Variants in FARP1 observed in about 807,000 individuals in gnomAD.
FARP1 encodes FERM, ARHGEF and pleckstrin domain-containing protein 1.
Under a neutral mutation model 128.8 loss-of-function variants are expected in FARP1, and 52 were observed. The observed-to-expected ratio is 0.40, with a 90% CI of 0.32 to 0.51. FARP1 has a LOEUF of 0.51. Ranked by LOEUF, FARP1 falls within the 20% of genes least tolerant of loss-of-function variation. The pLI is 0.45. For missense variants in FARP1, 1,333 were observed against 1,367.9 expected (o/e 0.97, Z 0.40); for synonymous variants, 580 against 551.8 (o/e 1.05, Z -0.72).
intron 2 of FARP1, among the ~76,000 whole-genome samples, chr13:98,294,634 A>G (rs997320459): frequency 6.6e-6 from 1 of 152,190 alleles, no homozygotes; most frequent in Admixed American, 6.5e-5. Context: ...ATTAATTTGG[A>G]GAGAGCACTT....
chr13:98,362,305 AC>A (rs1888904927), intron 3 of FARP1, among the ~76,000 whole-genome samples: 1 of 152,072 alleles, frequency 6.6e-6, no homozygotes, highest in Admixed American at 6.5e-5. Context: ...CCAGCCAGCT[AC>A]CCCCCATTCT....
intron 1 of FARP1, among the ~76,000 whole-genome samples, chr13:98,150,870 C>T (rs1183590661): frequency 6.6e-6 from 1 of 151,968 alleles, no homozygotes; most frequent in Non-Finnish European, 1.5e-5. Flanking sequence ...TGTGTTTGTT[C>T]TTTGGCACAC....
intron 2 of FARP1, among the ~76,000 whole-genome samples, chr13:98,254,797 T>A (rs1883505773): frequency 6.6e-6 from 1 of 152,166 alleles, no homozygotes; most frequent in Non-Finnish European, 1.5e-5. Flanking sequence ...TGAAAACATA[T>A]GTTAGTATAA....
chr13:98,453,251 CTCA>C lies in FARP1; in HGVS notation c.*4937_*4939del. The C allele has an allele frequency of 6.3e-7, 1 of 1,592,922 alleles. No homozygotes were observed. The highest frequency in any genetic ancestry group is 8.5e-7 in the Non-Finnish European group (1 of 1,171,508). Reference sequence around the variant, plus strand: ...AGAGAGAAGTCAACACATGTCATTTCTCATCCCTGTGCAAAAATTCATATAGTA... The same window carrying C: ...AGAGAGAAGTCAACACATGTCATTTCTCCCTGTGCAAAAATTCATATAGTA... On this transcript the variant is annotated 3_prime_UTR_variant, in exon 27 of 27. Transcript: ENST00000319562.
At chr13:98,156,840 T>A (rs1169089835) in intron 1 of FARP1, among the ~76,000 whole-genome samples, 1 of 152,234 alleles carries the variant, frequency 6.6e-6, no homozygotes, top group Admixed American at 6.5e-5. Context: ...ATTACAGGCA[T>A]GAGCCACTGC....
At chr13:98,416,445 A>T (rs182596661) in intron 16 of FARP1, among the ~76,000 whole-genome samples, 16 of 152,324 alleles carry the variant, frequency 1.1e-4, no homozygotes, top group Non-Finnish European at 1.5e-4. Context: ...AGCTCAGTTC[A>T]GCAAACACAC....
At chr13:98,432,710 C>T (rs755111524) in intron 18 of FARP1, 7 of 152,212 alleles carry the variant, frequency 4.6e-5, no homozygotes, top group Non-Finnish European at 7.3e-5. Context: ...AGGCTAAAAT[C>T]GGAAGTCTTC....
intron 1 of FARP1, among the ~76,000 whole-genome samples, chr13:98,182,303 G>A (rs1878592884): frequency 6.6e-6 from 1 of 151,970 alleles, no homozygotes; most frequent in Admixed American, 6.6e-5. Context: ...TGACTCATTG[G>A]TTGGTTCATT....
upstream of FARP1, chr13:98,143,040 C>A (rs1251808409): frequency 6.8e-6 from 1 of 148,006 alleles, no homozygotes; most frequent in Admixed American, 6.7e-5. Context: ...TGCGCGGCGC[C>A]CGCCTCCCCC....
chr13:98,290,888 G>T (rs534999957), intron 2 of FARP1, among the ~76,000 whole-genome samples: 1 of 152,162 alleles, frequency 6.6e-6, no homozygotes, highest in Non-Finnish European at 1.5e-5. Context: ...GACCAAGGGG[G>T]CAAACACATG....
At chr13:98,287,861 G>C (rs758595391) in intron 2 of FARP1, among the ~76,000 whole-genome samples, 8 of 147,384 alleles carry the variant, frequency 5.4e-5, no homozygotes, top group Non-Finnish European at 1.0e-4. Context: ...CAGTGCAGTG[G>C]CACGGTCTCG....
At chr13:98,428,275 G>A (rs1224843369) in intron 17 of FARP1, among the ~76,000 whole-genome samples, 3 of 152,172 alleles carry the variant, frequency 2.0e-5, no homozygotes, top group Admixed American at 6.5e-5. Flanking sequence ...AAAACGCTTG[G>A]AAATCAATGC....
intron 2 of FARP1, among the ~76,000 whole-genome samples, chr13:98,259,304 TATAG>T (rs2139528163): frequency 6.7e-6 from 1 of 149,242 alleles, no homozygotes; most frequent in South Asian, 2.1e-4. Flanking sequence ...ATACTCTCTA[TATAG>T]AGTGTACATA....
chr13:98,190,489 T>C (rs1273957381), intron 1 of FARP1, among the ~76,000 whole-genome samples: 1 of 152,234 alleles, frequency 6.6e-6, no homozygotes, highest in Non-Finnish European at 1.5e-5. Flanking sequence ...GGTTGACTGA[T>C]AGGAAATTAG....
At chr13:98,370,870 T>C (rs976867908) in intron 5 of FARP1, among the ~76,000 whole-genome samples, 3 of 152,218 alleles carry the variant, frequency 2.0e-5, no homozygotes, top group South Asian at 4.1e-4. Context: ...CAGCCAGGAA[T>C]TGGCAGAAAG....
At chr13:98,160,016 A>T (rs1490071546) in intron 1 of FARP1, among the ~76,000 whole-genome samples, 3 of 152,180 alleles carry the variant, frequency 2.0e-5, no homozygotes, top group Non-Finnish European at 4.4e-5. Context: ...TCATGGTCTT[A>T]AAGATGTACT....
chr13:98,448,887 C>G lies in FARP1; in HGVS notation c.*570C>G, dbSNP rs1436916906. ...TCTGATTAATAAGCAATTTGCAGCACACAGCGTTCCACTGCGGGGTTTCAC... is the reference window on the plus strand; with the variant it reads ...TCTGATTAATAAGCAATTTGCAGCAGACAGCGTTCCACTGCGGGGTTTCAC... On this transcript the variant is annotated 3_prime_UTR_variant, in exon 27 of 27. Coordinates refer to ENST00000319562, the MANE Select transcript of FARP1 (RefSeq NM_005766.4). 1 of 152,176 alleles carries G rather than the reference C, an allele frequency of 6.6e-6. No individual in the cohort carries two copies. The allele number at this position is 152,176 out of a possible 1,614,324, so 9.4% of individuals were successfully genotyped here.
intron 1 of FARP1, among the ~76,000 whole-genome samples, chr13:98,187,715 A>G (rs147556590): frequency 9.8e-5 from 15 of 152,332 alleles, no homozygotes; most frequent in African/African-American, 3.4e-4. Flanking sequence ...TTGCTGGATT[A>G]CCATATGGAG....
At chr13:98,373,961 A>G (rs558138765) in intron 5 of FARP1, among the ~76,000 whole-genome samples, 2 of 152,348 alleles carry the variant, frequency 1.3e-5, no homozygotes, top group South Asian at 2.1e-4. Context: ...AGACAAATGA[A>G]TAAGACTAAG....
Sources: gnomAD v4.1 joint callset for allele counts (sites outside exome capture counted in the v4.1 genomes callset) on GRCh38, gnomAD v4.1.1 for gene constraint, MANE v1.5 for transcripts, NCBI Gene and HGNC (gene_info 2026-07-23, HGNC 2026-07-21) for gene names.